The following ARIH2 variants were observed in gnomAD, a reference collection of about 807,000 sequenced individuals.
ARIH2 encodes E3 ubiquitin-protein ligase ARIH2.
A neutral mutation model predicts 79.8 loss-of-function variants in ARIH2; 12 were observed. The observed-to-expected ratio is 0.15, with a 90% CI of 0.10 to 0.24. The LOEUF (loss-of-function observed/expected upper bound fraction) is 0.24. Among genes scored for constraint, ARIH2 ranks in the 10% least tolerant of loss-of-function variants. ARIH2 has a pLI of 1.00. For missense variants in ARIH2, 301 were observed against 618.3 expected (o/e 0.49, Z 5.44); for synonymous variants, 224 against 213.9 (o/e 1.05, Z -0.41).
At chr3:48,981,867 C>T in intron 14 of ARIH2, 139 bp downstream of exon 14, 3 of 635,046 alleles carry the variant, frequency 4.7e-6, no homozygotes, top group Non-Finnish European at 8.2e-6. Flanking sequence ...TGCAAAATTC[C>T]ACTTCTGCTC....
chr3:48,958,053 A>G (rs2090809699), intron 3 of ARIH2, among the ~76,000 whole-genome samples: 1 of 152,046 alleles, frequency 6.6e-6, no homozygotes. Context: ...GGGTAAACTG[A>G]CGTAGGTTGG....
chr3:48,922,257 T>TGA (rs1353878010), intron 1 of ARIH2: 1 of 151,114 alleles, frequency 6.6e-6, no homozygotes, highest in African/African-American at 2.4e-5. Context: ...TCTTTCAAAC[T>TGA]GAGAGAGAGA....
intron 3 of ARIH2, chr3:48,928,101 T>C: frequency 2.5e-6 from 1 of 406,590 alleles, no homozygotes; most frequent in Non-Finnish European, 4.5e-6. Context: ...ATTGCACAAC[T>C]TTGCACGTTT....
At chr3:48,956,442 T>TTG (rs2090589513) in intron 3 of ARIH2, among the ~76,000 whole-genome samples, 1 of 106,926 alleles carries the variant, frequency 9.4e-6, no homozygotes, top group Admixed American at 8.8e-5. Context: ...CCCGGCACTT[T>TTG]TTTTTTTTTT....
chr3:48,977,065 A>C (rs1243532665), intron 11 of ARIH2, among the ~76,000 whole-genome samples: 1 of 151,806 alleles, frequency 6.6e-6, no homozygotes, highest in Non-Finnish European at 1.5e-5. Flanking sequence ...AGCCAGGCGC[A>C]ATGGCGCACT....
intron 3 of ARIH2, among the ~76,000 whole-genome samples, chr3:48,931,088 TA>T (rs889142538): frequency 2.6e-5 from 4 of 151,834 alleles, no homozygotes; most frequent in Non-Finnish European, 4.4e-5. Flanking sequence ...AATTATTATT[TA>T]AAAAAAAATT....
intron 3 of ARIH2, among the ~76,000 whole-genome samples, chr3:48,956,702 ATTT>A (rs1559796351): frequency 1.1e-4 from 16 of 146,674 alleles, no homozygotes; most frequent in African/African-American, 4.0e-4. Flanking sequence ...GTGTGTATTT[ATTT>A]TTTATTTTTT....
At chr3:48,956,039 A>G (rs1420898895) in intron 3 of ARIH2, among the ~76,000 whole-genome samples, 3 of 152,164 alleles carry the variant, frequency 2.0e-5, no homozygotes, top group East Asian at 3.9e-4. Context: ...TTTTCCCTTA[A>G]TTAGTGGTCT....
chr3:48,921,708 G>A (rs1424533135), intron 1 of ARIH2: 1 of 151,970 alleles, frequency 6.6e-6, no homozygotes, highest in Non-Finnish European at 1.5e-5. Context: ...CAAAGTGCTG[G>A]GATTACTGGC....
chr3:48,934,997 T>G (rs1199635994), intron 3 of ARIH2: 12 of 972,270 alleles, frequency 1.2e-5, no homozygotes, highest in Non-Finnish European at 1.5e-5. Flanking sequence ...ATTTTAATCT[T>G]GAGTTTATAA....
At chr3:48,949,510 G>A (rs375222206) in intron 3 of ARIH2, among the ~76,000 whole-genome samples, 50 of 152,246 alleles carry the variant, frequency 3.3e-4, no homozygotes, top group East Asian at 2.5e-3. Context: ...TTCCTTGTTA[G>A]CACTTGGTAT....
At chr3:48,936,957 G>A (rs2087237500) in intron 3 of ARIH2, among the ~76,000 whole-genome samples, 3 of 148,540 alleles carry the variant, frequency 2.0e-5, no homozygotes, top group Non-Finnish European at 4.5e-5. Context: ...GAACCCGGGA[G>A]GTGGAGCTTG....
At chr3:48,976,002 C>T (rs1408602510) in intron 11 of ARIH2, among the ~76,000 whole-genome samples, 1 of 152,108 alleles carries the variant, frequency 6.6e-6, no homozygotes, top group African/African-American at 2.4e-5. Context: ...CCTCCACCTC[C>T]TGGGTTTAAG....
intron 3 of ARIH2, among the ~76,000 whole-genome samples, chr3:48,932,618 C>T (rs2086523321): frequency 6.6e-6 from 1 of 152,180 alleles, no homozygotes; most frequent in Admixed American, 6.5e-5. Flanking sequence ...CAGGAAGAGG[C>T]TCAGCCAGAG....
At chr3:48,934,920 A>G (rs541238692) in intron 3 of ARIH2, 20 of 985,072 alleles carry the variant, frequency 2.0e-5, no homozygotes, top group Non-Finnish European at 2.2e-5. Context: ...CTCAGGAAAC[A>G]TGGAAGTCAT....
chr3:48,934,483 G>A (rs2086842578), intron 3 of ARIH2: 14 of 985,262 alleles, frequency 1.4e-5, no homozygotes, highest in Non-Finnish European at 1.7e-5. Context: ...TTCAAGCTGG[G>A]CCTGGTTACA....
chr3:48,967,146 C>T lies in ARIH2; in HGVS notation c.409C>T (p.His137Tyr). 1 of 1,613,986 alleles carries T rather than the reference C, an allele frequency of 6.2e-7. No individual in the cohort carries two copies. Among genetic ancestry groups the T allele is most frequent in the Non-Finnish European group, 8.5e-7 (1 of 1,179,906 alleles). The change falls in exon 6 of 16, where the codon CAC becomes TAC. Residue 137 changes from histidine (H) to tyrosine (Y), a missense_variant. His to Tyr is a moderately conservative substitution (Grantham distance 83). Transcript: ENST00000356401. ...SKHVPTSHPP[H>Y]HCAVCMQFVR... Reference sequence around the variant, plus strand: ...CCAGGTTCCCACATCCCATCCCCCTCACCACTGTGCAGTGTGTATGCAGTT... The same window carrying T: ...CCAGGTTCCCACATCCCATCCCCCTTACCACTGTGCAGTGTGTATGCAGTT...
chr3:48,929,329 GTCCT>G (rs557548707), intron 3 of ARIH2, among the ~76,000 whole-genome samples: 182 of 151,554 alleles, frequency 1.2e-3, no homozygotes, highest in Middle Eastern at 6.8e-3. Context: ...CCGTCCGTCC[GTCCT>G]TCCTTCCTTC....
intron 3 of ARIH2, among the ~76,000 whole-genome samples, chr3:48,942,047 G>A (rs952826814): frequency 1.6e-5 from 2 of 121,712 alleles, no homozygotes; most frequent in African/African-American, 5.7e-5. Flanking sequence ...AACCATACCT[G>A]GCTAATTTTT....
Sources: allele counts gnomAD v4.1 joint callset (sites outside exome capture counted in the v4.1 genomes callset), GRCh38; gene constraint gnomAD v4.1.1; transcripts MANE v1.5; gene names NCBI Gene and HGNC (gene_info 2026-07-23, HGNC 2026-07-21).